FAM120B: variants seen among roughly 807,000 people sequenced by gnomAD.
FAM120B encodes family with sequence similarity 120 member B.
A neutral mutation model predicts 96.3 loss-of-function variants in FAM120B; 83 were observed. That is an observed-to-expected ratio of 0.86 (90% CI 0.72 to 1.03). FAM120B has a LOEUF of 1.03. FAM120B is among the 50% of genes least tolerant of loss of function. The pLI is 0.00. For missense variants in FAM120B, 1,027 were observed against 1,121.2 expected (o/e 0.92, Z 1.20); for synonymous variants, 407 against 402.7 (o/e 1.01, Z -0.13).
At chr6:170,341,577 C>G (rs1583230141) in intron 4 of FAM120B, among the ~76,000 whole-genome samples, 1 of 152,288 alleles carries the variant, frequency 6.6e-6, no homozygotes, top group African/African-American at 2.4e-5. Context: ...CGGTGTCTGC[C>G]CAAACAGCTG....
chr6:170,291,415 G>A (rs1325827720), upstream of FAM120B, among the ~76,000 whole-genome samples: 9 of 152,122 alleles, frequency 5.9e-5, no homozygotes, highest in East Asian at 1.6e-3. Context: ...ACAGCGTCCC[G>A]GGGGCTTGGG....
chr6:170,333,802 G>C (rs181520490), intron 4 of FAM120B, among the ~76,000 whole-genome samples: 1 of 152,044 alleles, frequency 6.6e-6, no homozygotes, highest in Non-Finnish European at 1.5e-5. Context: ...CCATCTTTAC[G>C]TGTGTGCATG....
Position 170,404,869 on chromosome 6 carries a change from G to A in FAM120B, c.*118G>A, listed in dbSNP as rs773848460. ...ACCATGCCTGTGGGAGCCAGGCCTC[G>A]CTTGCATGAAGAAGGAACGATGCCT... On this transcript the variant is annotated 3_prime_UTR_variant, in exon 11 of 11. Coordinates refer to ENST00000476287, the MANE Select transcript of FAM120B (RefSeq NM_032448.3). The A allele has an allele frequency of 4.9e-5, 22 of 451,782 alleles. No homozygotes were observed. Among genetic ancestry groups the A allele is most frequent in the African/African-American group, 2.0e-4 (10 of 50,108 alleles). The allele number at this position is 451,782 out of a possible 1,614,324, so 28.0% of individuals were successfully genotyped here.
At chr6:170,368,487 A>G (rs1788942227) in intron 6 of FAM120B, among the ~76,000 whole-genome samples, 1 of 152,264 alleles carries the variant, frequency 6.6e-6, no homozygotes, top group African/African-American at 2.4e-5. Context: ...CAAGCCGTTA[A>G]GATGGCGCTT....
intron 6 of FAM120B, among the ~76,000 whole-genome samples, chr6:170,364,487 G>T (rs1354048686): frequency 6.6e-6 from 1 of 152,152 alleles, no homozygotes; most frequent in African/African-American, 2.4e-5. Flanking sequence ...TTATTTTCCA[G>T]CACCCAGCAT....
upstream of FAM120B, among the ~76,000 whole-genome samples, chr6:170,293,137 C>T (rs1044466251): frequency 1.3e-5 from 2 of 152,102 alleles, no homozygotes; most frequent in Non-Finnish European, 2.9e-5. Flanking sequence ...TCGGAGCATT[C>T]TGCTTCCCTA....
intron 5 of FAM120B, 109 bp downstream of exon 5, chr6:170,348,432 CTGTTCCATGGAACATTA>C (rs1197064870): frequency 5.1e-6 from 5 of 979,224 alleles, no homozygotes; most frequent in Non-Finnish European, 7.7e-6. Context: ...TTTCCAATGT[CTGTTCCATGGAACATTA>C]TTAGTCCTTT....
At chr6:170,374,046 C>G (rs1003894334) in intron 6 of FAM120B, among the ~76,000 whole-genome samples, 1 of 152,068 alleles carries the variant, frequency 6.6e-6, no homozygotes, top group African/African-American at 2.4e-5. Flanking sequence ...GATTTTTTAC[C>G]CTCACTTCTG....
chr6:170,330,516 G>T lies in FAM120B; in HGVS notation c.1983G>T (p.Pro661=). Residue 661 remains proline, a synonymous_variant, in exon 4 of 11, where the codon CCG becomes CCT. Coordinates refer to ENST00000476287, the MANE Select transcript of FAM120B (RefSeq NM_032448.3). ...FVYPGNPLRH[P]DLVRPLQMTI... The stretch of plus-strand genomic sequence containing the variant: ...ATCCTGGGAACCCACTGAGGCACCC[G>T]GACCTCGTCAGGCCGCTGCAGATGA... 1 of 1,614,138 alleles carries T rather than the reference G, an allele frequency of 6.2e-7. No individual in the cohort carries two copies. The highest frequency in any genetic ancestry group is 2.2e-5 in the East Asian group (1 of 44,880).
intron 8 of FAM120B, among the ~76,000 whole-genome samples, chr6:170,394,107 C>A (rs1023415414): frequency 6.6e-6 from 1 of 152,208 alleles, no homozygotes; most frequent in Non-Finnish European, 1.5e-5. Flanking sequence ...ACCAGTCCTG[C>A]AGACCAGTAG....
intron 3 of FAM120B, among the ~76,000 whole-genome samples, chr6:170,329,389 GC>G (rs1785843485): frequency 6.6e-6 from 1 of 152,178 alleles, no homozygotes; most frequent in Admixed American, 6.5e-5. Context: ...GAATGCAGTT[GC>G]TAGAACCATT....
At chr6:170,385,925 G>A (rs1340364284) in intron 6 of FAM120B, among the ~76,000 whole-genome samples, 1 of 152,230 alleles carries the variant, frequency 6.6e-6, no homozygotes, top group Non-Finnish European at 1.5e-5. Flanking sequence ...CTGGAAAAGG[G>A]AGAACTATGG....
Position 170,364,377 on chromosome 6 carries a change from C to T in FAM120B, c.2283+6059C>T, listed in dbSNP as rs546806061. Among the ~76,000 whole-genome samples the T allele has an allele frequency of 1.9e-4, 29 of 152,234 alleles. No homozygotes were observed. In the East Asian group the frequency reaches 1.9e-3, roughly 10 times the overall value. On this transcript the variant is annotated intron_variant, in intron 6 of 10. Transcript: ENST00000476287. ...TCTGGTGTGTGTTCTGAGGGGGACT[C>T]GTGGGTGAGAAGCCAGAGTGTCCCA...
intron 4 of FAM120B, among the ~76,000 whole-genome samples, chr6:170,339,266 G>T (rs755692755): frequency 4.6e-5 from 7 of 152,022 alleles, no homozygotes; most frequent in Non-Finnish European, 8.8e-5. Context: ...TCCTTTACTT[G>T]TGAAACTTAT....
upstream of FAM120B, among the ~76,000 whole-genome samples, chr6:170,302,251 A>G (rs1784155832): frequency 6.6e-6 from 1 of 152,216 alleles, no homozygotes; most frequent in Non-Finnish European, 1.5e-5. Flanking sequence ...ATGTGGAGTG[A>G]CGCAGGGGAA....
upstream of FAM120B, chr6:170,291,120 C>T (rs1488134692): frequency 4.5e-6 from 2 of 448,076 alleles, no homozygotes; most frequent in Non-Finnish European, 4.3e-6. Flanking sequence ...CCCCACCCTT[C>T]CCCGCCCCCC....
chr6:170,369,952 A>G (rs1789073661), intron 6 of FAM120B, among the ~76,000 whole-genome samples: 1 of 152,246 alleles, frequency 6.6e-6, no homozygotes, highest in South Asian at 2.1e-4. Flanking sequence ...GATGGATTTT[A>G]TCTTCGTGAA....
At chr6:170,320,546 C>G (rs756972506) in intron 2 of FAM120B, among the ~76,000 whole-genome samples, 1 of 152,134 alleles carries the variant, frequency 6.6e-6, no homozygotes, top group Non-Finnish European at 1.5e-5. Context: ...TGAAGTTCCT[C>G]CTTGAGTACC....
chr6:170,290,825 G>T, upstream of FAM120B: 1 of 618,914 alleles, frequency 1.6e-6, no homozygotes, highest in Non-Finnish European at 2.9e-6. The surrounding 1 kb of genome is among the most constrained non-coding windows in gnomAD (Gnocchi z 4.7). Context: ...CGCAGGACCG[G>T]AGGGGCCGGG....
Sources: gnomAD v4.1 joint callset for allele counts (sites outside exome capture counted in the v4.1 genomes callset) on GRCh38, gnomAD v4.1.1 for gene constraint, Gnocchi (gnomAD v3.1) non-coding constraint, MANE v1.5 for transcripts, NCBI Gene and HGNC (gene_info 2026-07-23, HGNC 2026-07-21) for gene names.